CCNH: variants seen among roughly 807,000 people sequenced by gnomAD.
CCNH encodes cyclin H, also known as cyclin-H.
Under a neutral mutation model 41.9 loss-of-function variants are expected in CCNH, and 31 were observed. The observed-to-expected ratio is 0.74, with a 90% CI of 0.56 to 1.00. The LOEUF is 1.00. Among genes scored for constraint, CCNH ranks in the 50% least tolerant of loss-of-function variants. The probability of loss-of-function intolerance (pLI) is 0.00; values close to 1 mark genes in which losing one functional copy is unlikely to be tolerated. For missense variants in CCNH, 362 were observed against 388.4 expected, an observed-to-expected ratio of 0.93 and a Z score of 0.57; for synonymous variants, 138 against 136.1, an observed-to-expected ratio of 1.01 and a Z score of -0.10.
chr5:87,345,911 C>T (rs1205781340), intron 9 of CCNH, among the ~76,000 whole-genome samples: 2 of 151,936 alleles, frequency 1.3e-5, no homozygotes, highest in South Asian at 4.1e-4. Context: ...AGATAATAGG[C>T]CTTTAGGTAA....
intron 9 of CCNH, among the ~76,000 whole-genome samples, chr5:87,362,200 A>C (rs889524222): frequency 6.6e-5 from 10 of 152,234 alleles, no homozygotes; most frequent in Admixed American, 5.9e-4. Flanking sequence ...TTGGTTCCTA[A>C]TCTACCAGTT....
At chr5:87,394,955 G>A in intron 8 of CCNH, 89 bp downstream of exon 8, 1 of 1,597,946 alleles carries the variant, frequency 6.3e-7, no homozygotes, top group Non-Finnish European at 8.5e-7. Flanking sequence ...TATAATGCCT[G>A]TACTCTTGGA....
At chr5:87,394,583 C>A in intron 8 of CCNH, 99 bp from the exon 9 acceptor site, 1 of 1,570,324 alleles carries the variant, frequency 6.4e-7, no homozygotes, top group South Asian at 1.2e-5. Context: ...TCCTTTTACC[C>A]ATGTGGATTA....
At chr5:87,362,575 A>G (rs1760192378) in intron 9 of CCNH, 1 of 1,594,844 alleles carries the variant, frequency 6.3e-7, no homozygotes, top group Non-Finnish European at 8.6e-7. Flanking sequence ...ACTCAATGAC[A>G]CAGTGGATGG....
At chr5:87,387,283 C>A (rs1762128035), downstream of CCNH, among the ~76,000 whole-genome samples, 1 of 152,080 alleles carries the variant, frequency 6.6e-6, no homozygotes, top group Non-Finnish European at 1.5e-5. Flanking sequence ...TGACACAGTT[C>A]TGACCAGGTT....
At chr5:87,365,488 T>G (rs1171988046) in intron 9 of CCNH, among the ~76,000 whole-genome samples, 1 of 152,186 alleles carries the variant, frequency 6.6e-6, no homozygotes, top group Non-Finnish European at 1.5e-5. Context: ...ATGTCTCATT[T>G]TGTTTCTTAC....
At chr5:87,374,850 C>G (rs759715233), downstream of CCNH, 22 of 1,608,798 alleles carry the variant, frequency 1.4e-5, no homozygotes, top group Non-Finnish European at 1.9e-5. Flanking sequence ...TGATCTTCCT[C>G]CTGACATCAA....
chr5:87,404,749 C>G, intron 5 of CCNH, 95 bp downstream of exon 5: 3 of 985,622 alleles, frequency 3.0e-6, no homozygotes, highest in Non-Finnish European at 4.3e-6. Flanking sequence ...ACCATCCCAG[C>G]CACAAAGAAT....
downstream of CCNH, among the ~76,000 whole-genome samples, chr5:87,387,259 G>C (rs1288664223): frequency 6.6e-6 from 1 of 152,050 alleles, no homozygotes; most frequent in Admixed American, 6.6e-5. Context: ...TATGTGGGGC[G>C]TGAAGCAAGA....
At chr5:87,398,755 T>C (rs542107043) in intron 7 of CCNH, among the ~76,000 whole-genome samples, 31 of 152,086 alleles carry the variant, frequency 2.0e-4, no homozygotes, top group African/African-American at 5.8e-4. Flanking sequence ...GGGCGGATCA[T>C]GAGGTCAGGA....
chr5:87,377,359 G>T (rs1761396151), upstream of CCNH, among the ~76,000 whole-genome samples: 1 of 151,978 alleles, frequency 6.6e-6, no homozygotes, highest in African/African-American at 2.4e-5. Flanking sequence ...TTTTGAGATG[G>T]CATCTCAGTC....
intron 9 of CCNH, chr5:87,383,870 T>C (rs1761895529): frequency 8.5e-7 from 1 of 1,179,850 alleles, no homozygotes; most frequent in African/African-American, 1.6e-5. Context: ...TTTTTTTTTT[T>C]TTTGATCATC....
At chr5:87,397,349 G>A (rs1396458357) in intron 7 of CCNH, among the ~76,000 whole-genome samples, 2 of 151,932 alleles carry the variant, frequency 1.3e-5, no homozygotes, top group Admixed American at 6.6e-5. Flanking sequence ...TAGTAGAGAC[G>A]GGGTTTCGCC....
Position 87,377,075 on chromosome 5 carries a change from C to A in CCNH, n.106G>T, listed in dbSNP as rs369924885. Reference sequence around the variant, plus strand: ...GGCCATGTTAGTGTGATACAAGAAACTGGGTTTAGATTTTATATCAAGGAT... The same window carrying A: ...GGCCATGTTAGTGTGATACAAGAAAATGGGTTTAGATTTTATATCAAGGAT... On this transcript the variant is annotated non_coding_transcript_exon_variant, in exon 1 of 1. Transcript: ENST00000607486. The A allele has an allele frequency of 2.3e-5, 37 of 1,590,262 alleles. No individual in the cohort carries two copies. The African/African-American group carries it at 4.6e-4, about 20-fold the overall frequency.
intron 9 of CCNH, among the ~76,000 whole-genome samples, chr5:87,370,376 C>G (rs1273850823): frequency 6.6e-6 from 1 of 152,174 alleles, no homozygotes; most frequent in Non-Finnish European, 1.5e-5. Flanking sequence ...TTTAGATTAG[C>G]TATTAATCCA....
At chr5:87,360,131 T>G (rs959722413) in intron 9 of CCNH, among the ~76,000 whole-genome samples, 19 of 151,710 alleles carry the variant, frequency 1.3e-4, no homozygotes, top group East Asian at 1.9e-4. Flanking sequence ...GCAGTTTTTT[T>G]TTTTTTTTTT....
chr5:87,346,132 T>A (rs1209664440), intron 9 of CCNH, among the ~76,000 whole-genome samples: 2 of 152,100 alleles, frequency 1.3e-5, no homozygotes. Context: ...TTAGCTCAAA[T>A]AGAGTTGAGA....
chr5:87,331,939 A>G (rs752370777), intron 9 of CCNH, among the ~76,000 whole-genome samples: 56 of 152,176 alleles, frequency 3.7e-4, no homozygotes, highest in Non-Finnish European at 4.6e-4. Context: ...ATTTTCAAGT[A>G]CAAATATTCT....
chr5:87,340,970 T>C (rs935715837), intron 9 of CCNH, among the ~76,000 whole-genome samples: 2 of 152,044 alleles, frequency 1.3e-5, no homozygotes, highest in Middle Eastern at 3.4e-3. Flanking sequence ...GTTTTTTTTT[T>C]GTTTGGTTTT....
Sources: allele counts gnomAD v4.1 joint callset (sites outside exome capture counted in the v4.1 genomes callset), GRCh38; gene constraint gnomAD v4.1.1; transcripts MANE v1.5; gene names NCBI Gene and HGNC (gene_info 2026-07-23, HGNC 2026-07-21).